The following ERICH6 variants were observed in gnomAD, a reference collection of about 807,000 sequenced individuals.
ERICH6 encodes glutamate rich 6, also known as glutamate-rich protein 6.
In ERICH6, 71 loss-of-function variants were observed where a neutral mutation model predicts 71.0. That is an observed-to-expected ratio of 1.00 (90% CI 0.83 to 1.22). The LOEUF is 1.22. ERICH6 is among the 50% of genes most tolerant of loss of function. ERICH6 has a pLI of 0.00. For missense variants in ERICH6, 808 were observed against 797.2 expected, an observed-to-expected ratio of 1.01 and a Z score of -0.16; for synonymous variants, 262 against 278.4, an observed-to-expected ratio of 0.94 and a Z score of 0.59.
At chr3:150,676,560 GAATT>G (rs1186726364) in intron 10 of ERICH6, among the ~76,000 whole-genome samples, 1 of 152,134 alleles carries the variant, frequency 6.6e-6, no homozygotes, top group Non-Finnish European at 1.5e-5. Flanking sequence ...TTTGAAGGTG[GAATT>G]AGTGACCGTC....
chr3:150,696,325 T>C (rs926925926), intron 3 of ERICH6, among the ~76,000 whole-genome samples: 1 of 152,106 alleles, frequency 6.6e-6, no homozygotes. Flanking sequence ...TAAAGATAAA[T>C]AGTAAAATTC....
intron 10 of ERICH6, among the ~76,000 whole-genome samples, chr3:150,675,150 C>T (rs935467798): frequency 6.6e-6 from 1 of 152,054 alleles, no homozygotes; most frequent in Non-Finnish European, 1.5e-5. Context: ...AAGAGGTAGG[C>T]TAAAATATCT....
chr3:150,670,893 A>G (rs6801052), intron 11 of ERICH6, among the ~76,000 whole-genome samples: 58,975 of 152,028 alleles, frequency 0.39, 12,224 homozygotes, highest in East Asian at 0.56. Context: ...TTGCAAATCA[A>G]CCACAGCCTT....
At chr3:150,680,336 G>T in intron 9 of ERICH6, 132 bp downstream of exon 9, 2 of 881,744 alleles carry the variant, frequency 2.3e-6, no homozygotes, top group Non-Finnish European at 3.5e-6. Context: ...CCAAAGTGTT[G>T]GGATTACAGG....
intron 10 of ERICH6, among the ~76,000 whole-genome samples, chr3:150,674,869 A>G (rs752591317): frequency 3.3e-5 from 5 of 151,632 alleles, no homozygotes; most frequent in Non-Finnish European, 5.9e-5. Flanking sequence ...GCAGTGGCTC[A>G]CACCCATAAT....
At chr3:150,683,025 C>G (rs926599379) in intron 6 of ERICH6, among the ~76,000 whole-genome samples, 8 of 152,122 alleles carry the variant, frequency 5.3e-5, no homozygotes, top group Admixed American at 5.2e-4. Context: ...AGCAGCCAAG[C>G]CTCAGGACAG....
At chr3:150,693,517 G>C (rs776820925) in intron 3 of ERICH6, among the ~76,000 whole-genome samples, 2 of 152,104 alleles carry the variant, frequency 1.3e-5, no homozygotes, top group Non-Finnish European at 2.9e-5. Context: ...GGTATTTGAT[G>C]GTACAAATCA....
intron 13 of ERICH6, among the ~76,000 whole-genome samples, chr3:150,666,111 G>A (rs114255329): frequency 0.016 from 2,466 of 152,280 alleles, 62 homozygotes; most frequent in African/African-American, 0.057. Context: ...GCAGAGCTGA[G>A]GTTTGAAACT....
intron 12 of ERICH6, among the ~76,000 whole-genome samples, chr3:150,668,118 T>C (rs1185124290): frequency 6.6e-6 from 1 of 152,188 alleles, no homozygotes; most frequent in Non-Finnish European, 1.5e-5. Context: ...AAGGGAAGAT[T>C]TAGTTTTATC....
Position 150,660,020 on chromosome 3 carries a change from A to G in ERICH6, c.1864T>C (p.Trp622Arg). Residue 622 changes from tryptophan to arginine, a missense_variant, in exon 14 of 14, where the codon TGG (tryptophan) becomes CGG (arginine). Trp to Arg is a moderately radical substitution (Grantham distance 101). This residue lies in a region of ERICH6 where 736 missense variants were observed against 712.2 expected (regional missense o/e 1.03). Transcript: ENST00000295910. ...GCVNFPSSQV[W>R]EKLKQPSYLS... ...TAGGAAGGTTGCTTTAATTTTTCCC[A>G]AACCTGGCTTGAGGGAAAATTCACA... 2 of 1,614,184 alleles carry G rather than the reference A, an allele frequency of 1.2e-6. No individual in the cohort carries two copies. The highest frequency in any genetic ancestry group is 1.7e-6 in the Non-Finnish European group (2 of 1,180,040).
At chr3:150,673,893 C>T in intron 11 of ERICH6, 63 bp downstream of exon 11, 1 of 1,527,718 alleles carries the variant, frequency 6.5e-7, no homozygotes, top group East Asian at 2.3e-5. Context: ...GTATTTCCTT[C>T]CTTGAGCTTT....
intron 5 of ERICH6, 42 bp downstream of exon 5, chr3:150,685,924 T>A: frequency 6.3e-7 from 1 of 1,599,850 alleles, no homozygotes; most frequent in Non-Finnish European, 8.6e-7. Context: ...CCATTTTTAC[T>A]ATGAGAACAG....
chr3:150,681,896 C>A (rs1711964771), intron 7 of ERICH6, among the ~76,000 whole-genome samples: 1 of 146,520 alleles, frequency 6.8e-6, no homozygotes, highest in East Asian at 2.1e-4. Context: ...CTCACTGCGA[C>A]CTCCGTCTCC....
intron 1 of ERICH6, among the ~76,000 whole-genome samples, chr3:150,703,021 C>A (rs979266655): frequency 1.4e-5 from 2 of 143,748 alleles, no homozygotes; most frequent in African/African-American, 5.1e-5. Flanking sequence ...AGAGATGTCA[C>A]GGTGTGAATG....
intron 2 of ERICH6, among the ~76,000 whole-genome samples, chr3:150,701,478 TGTATAC>T (rs768208739): frequency 9.2e-5 from 14 of 152,198 alleles, no homozygotes; most frequent in Non-Finnish European, 1.8e-4. Flanking sequence ...TTTAACCACA[TGTATAC>T]ATTATCTTTA....
intron 4 of ERICH6, 64 bp from the exon 5 acceptor site, chr3:150,686,085 G>C: frequency 7.3e-7 from 1 of 1,362,362 alleles, no homozygotes; most frequent in Non-Finnish European, 1.0e-6. Context: ...TTCCACTTCT[G>C]TAATTTGGAG....
intron 13 of ERICH6, 146 bp from the exon 14 acceptor site, chr3:150,660,301 T>A: frequency 2.3e-6 from 2 of 875,322 alleles, no homozygotes; most frequent in Non-Finnish European, 1.7e-6. Context: ...GGCGGTGGTG[T>A]TATTCTACTC....
At chr3:150,685,442 G>T (rs1424530274) in intron 6 of ERICH6, among the ~76,000 whole-genome samples, 1 of 152,140 alleles carries the variant, frequency 6.6e-6, no homozygotes, top group Non-Finnish European at 1.5e-5. Flanking sequence ...AAGCTAGGAA[G>T]AGGGAAGGGA....
intron 10 of ERICH6, among the ~76,000 whole-genome samples, chr3:150,675,904 G>A (rs1345230285): frequency 7.9e-6 from 1 of 126,878 alleles, no homozygotes; most frequent in African/African-American, 2.9e-5. Context: ...TCACTATGAT[G>A]TGTCTAGAAT....
Sources: allele counts gnomAD v4.1 joint callset (sites outside exome capture counted in the v4.1 genomes callset), GRCh38; gene constraint gnomAD v4.1.1; regional missense constraint gnomAD v4.1.1; transcripts MANE v1.5; gene names NCBI Gene and HGNC (gene_info 2026-07-23, HGNC 2026-07-21).